The following GRM3 variants were observed in gnomAD, a reference collection of about 807,000 sequenced individuals.
GRM3 encodes the protein metabotropic glutamate receptor 3.
GRM3 carries 26 observed loss-of-function variants against 70.5 expected under a neutral mutation model. The observed-to-expected ratio is 0.37, with a 90% confidence interval of 0.27 to 0.51. The LOEUF is 0.51. GRM3 is among the 20% of genes least tolerant of loss of function. GRM3 has a pLI of 0.93. For missense variants in GRM3, 859 were observed against 1,123.8 expected (o/e 0.76, Z 3.37); for synonymous variants, 443 against 434.9 (o/e 1.02, Z -0.23).
intron 1 of GRM3, among the ~76,000 whole-genome samples, chr7:86,667,021 G>T (rs535098069): frequency 1.2e-4 from 19 of 152,210 alleles, no homozygotes; most frequent in African/African-American, 4.6e-4. Flanking sequence ...TTTCTTTCTG[G>T]AAGTTTGATC....
chr7:86,825,504 C>A (rs1429129004), intron 3 of GRM3, among the ~76,000 whole-genome samples: 1 of 152,190 alleles, frequency 6.6e-6, no homozygotes, highest in Non-Finnish European at 1.5e-5. Flanking sequence ...TAACAATAGA[C>A]CAGCACGCTG....
chr7:86,776,431 A>G (rs1459062789), intron 2 of GRM3, among the ~76,000 whole-genome samples: 2 of 152,170 alleles, frequency 1.3e-5, no homozygotes, highest in African/African-American at 4.8e-5. Flanking sequence ...GTAGTTAACA[A>G]GAAAACAATG....
chr7:86,821,437 G>A (rs996154425), intron 3 of GRM3, among the ~76,000 whole-genome samples: 5 of 152,084 alleles, frequency 3.3e-5, no homozygotes, highest in Non-Finnish European at 5.9e-5. Flanking sequence ...CCGATAGATG[G>A]CAGGTACTCT....
In GRM3 at chr7:86,842,679, C is replaced by T. The variant is rs113117292; in HGVS notation, c.2391+2774C>T. On this transcript the variant is annotated intron_variant, in intron 4 of 5. Coordinates refer to ENST00000361669, the MANE Select transcript of GRM3 (RefSeq NM_000840.3). ...ACAAGGTTTATATCTCAGTACTTTGCCACCCATTGTGAGTTATAAATAAAC... is the reference window on the plus strand; with the variant it reads ...ACAAGGTTTATATCTCAGTACTTTGTCACCCATTGTGAGTTATAAATAAAC... 8.5e-3 allele frequency among the ~76,000 whole-genome samples: 1,294 copies of T among 152,216 alleles called. 18 individuals are homozygous for T. Among genetic ancestry groups the T allele is most frequent in the East Asian group, 0.043 (220 of 5,168 alleles).
intron 1 of GRM3, chr7:86,710,257 TTTAG>T (rs1795162782): frequency 1.3e-5 from 2 of 152,022 alleles, no homozygotes; most frequent in African/African-American, 2.4e-5. Flanking sequence ...TAACTTTGAA[TTTAG>T]TTAGTTAAAT....
rs1798600423 is a variant in GRM3 at position 86,843,658 on chromosome 7, G to A, written c.2391+3753G>A. On this transcript the variant is annotated intron_variant, in intron 4 of 5. Coordinates refer to ENST00000361669, the MANE Select transcript of GRM3 (RefSeq NM_000840.3). ...AATTCATTTATAGTAATTACTGAGT[G>A]TTTTGTTCATGTCTTCCAAAAAATA... 2.0e-5 allele frequency among the ~76,000 whole-genome samples: 3 copies of A among 152,190 alleles called. No individual in the cohort carries two copies. The South Asian group carries it at 6.2e-4, about 31-fold the overall frequency.
chr7:86,787,055 T>C lies in GRM3; in HGVS notation c.1263T>C (p.Ala421=). The stretch of plus-strand genomic sequence containing the variant: ...CCAACACTACCAAGCTTTGTGATGC[T>C]ATGAAGATCCTGGATGGGAAGAAGT... ...LCPNTTKLCD[A]MKILDGKKLY... Residue 421 remains alanine, a synonymous_variant, in exon 3 of 6, where the codon GCT becomes GCC. Transcript: ENST00000361669. The C allele has an allele frequency of 6.2e-7, 1 of 1,613,012 alleles. No individual in the cohort carries two copies. Among genetic ancestry groups the C allele is most frequent in the African/African-American group, 1.3e-5 (1 of 75,032 alleles).
chr7:86,816,925 A>T (rs1198580061), intron 3 of GRM3, among the ~76,000 whole-genome samples: 2 of 134,368 alleles, frequency 1.5e-5, no homozygotes, highest in East Asian at 4.0e-4. Context: ...GATTAAGATC[A>T]TTCAGGGAAA....
At chr7:86,721,409 TA>T (rs1795459586) in intron 1 of GRM3, among the ~76,000 whole-genome samples, 2 of 151,992 alleles carry the variant, frequency 1.3e-5, no homozygotes, top group Non-Finnish European at 2.9e-5. Flanking sequence ...CTGACACAAA[TA>T]AAAAAGAAAT....
rs755355844 is a variant in GRM3 at position 86,688,689 on chromosome 7, C to CAT, written c.-141+43828_-141+43829dup. ...GCAGAGCACTCTTTACCATGTATAT[C>CAT]ATATATATATATGAGAAATATGATA... is the stretch of plus-strand genomic sequence containing the variant. On this transcript the variant is annotated intron_variant, in intron 1 of 5. Coordinates refer to ENST00000361669, the MANE Select transcript of GRM3 (RefSeq NM_000840.3). Among the ~76,000 whole-genome samples, 804 of 148,208 alleles carry CAT rather than the reference C, an allele frequency of 5.4e-3. 4 individuals are homozygous for CAT. The highest frequency in any genetic ancestry group is 7.8e-3 in the Non-Finnish European group (523 of 66,924).
chr7:86,756,174 G>A (rs933076528), intron 1 of GRM3, among the ~76,000 whole-genome samples: 5 of 152,102 alleles, frequency 3.3e-5, no homozygotes, highest in Middle Eastern at 3.2e-3. Flanking sequence ...CTCCTCCTGG[G>A]TTCAAGTGAT....
intron 3 of GRM3, among the ~76,000 whole-genome samples, chr7:86,818,518 A>G (rs1798059604): frequency 6.6e-6 from 1 of 152,216 alleles, no homozygotes; most frequent in South Asian, 2.1e-4. Context: ...AAATATCAGT[A>G]AGAACCCATT....
At chr7:86,715,177 C>A (rs1209773541) in intron 1 of GRM3, among the ~76,000 whole-genome samples, 1 of 151,942 alleles carries the variant, frequency 6.6e-6, no homozygotes. Context: ...GAGTGGGTCA[C>A]AATAAAGGTC....
intron 1 of GRM3, among the ~76,000 whole-genome samples, chr7:86,761,581 CAT>C (rs973882054): frequency 1.2e-4 from 19 of 152,212 alleles, no homozygotes; most frequent in African/African-American, 4.6e-4. Flanking sequence ...CATGTGCAAA[CAT>C]AGATATCATG....
rs1300915723 is a variant in GRM3 at position 86,826,867 on chromosome 7, T to G, written c.1325-11972T>G. ...GCTGCAATTCCCCCGCCCCCTTGGC[T>G]ACATAATAATATATGCAAGTGTCAA... On this transcript the variant is annotated intron_variant, in intron 3 of 5. Transcript: ENST00000361669. Among the ~76,000 whole-genome samples, 4 of 152,324 alleles carry G rather than the reference T, an allele frequency of 2.6e-5. No homozygotes were observed. The East Asian group carries it at 7.7e-4, about 29-fold the overall frequency.
At chr7:86,762,172 AG>A (rs1344091422) in intron 1 of GRM3, among the ~76,000 whole-genome samples, 1 of 152,182 alleles carries the variant, frequency 6.6e-6, no homozygotes, top group African/African-American at 2.4e-5. Flanking sequence ...AAGATCAAAG[AG>A]ACCAGAAATT....
intron 2 of GRM3, among the ~76,000 whole-genome samples, chr7:86,766,721 A>G (rs1796608923): frequency 6.6e-6 from 1 of 152,124 alleles, no homozygotes. Flanking sequence ...TAGAGCATTA[A>G]TGTCACAGTA....
intron 2 of GRM3, among the ~76,000 whole-genome samples, chr7:86,774,785 A>T (rs905198114): frequency 1.3e-5 from 2 of 152,138 alleles, no homozygotes; most frequent in Non-Finnish European, 2.9e-5. Context: ...ATAGAATGCA[A>T]ACCAGGCAAT....
intron 1 of GRM3, among the ~76,000 whole-genome samples, chr7:86,666,446 A>T (rs1397913305): frequency 1.3e-5 from 2 of 152,054 alleles, no homozygotes; most frequent in African/African-American, 2.4e-5. Flanking sequence ...GGAATCATGA[A>T]TATGTTTATG....
Sources: allele counts gnomAD v4.1 joint callset (sites outside exome capture counted in the v4.1 genomes callset), GRCh38; gene constraint gnomAD v4.1.1; transcripts MANE v1.5; gene names NCBI Gene and HGNC (gene_info 2026-07-23, HGNC 2026-07-21).